PRRC1: variants seen among roughly 807,000 people sequenced by gnomAD.
PRRC1 encodes proline rich coiled-coil 1, also known as protein PRRC1.
Under a neutral mutation model 40.7 loss-of-function variants are expected in PRRC1, and 39 were observed. The observed-to-expected ratio is 0.96, with a 90% CI of 0.74 to 1.25. PRRC1 has a LOEUF of 1.25. Ranked by LOEUF, PRRC1 falls within the 50% of genes most tolerant of loss-of-function variation. PRRC1 has a pLI of 0.00. For synonymous variants in PRRC1, 175 were observed against 193.3 expected (o/e 0.91, Z 0.79); for missense variants, 573 against 548.3 (o/e 1.05, Z -0.45).
At chr5:127,549,470 G>T (rs1768314511) in intron 8 of PRRC1, 1 of 152,078 alleles carries the variant, frequency 6.6e-6, no homozygotes, top group Admixed American at 6.5e-5. Flanking sequence ...ATGAACATCT[G>T]CATTGAAAGG....
intron 6 of PRRC1, among the ~76,000 whole-genome samples, chr5:127,537,251 T>C (rs1052358376): frequency 2.6e-5 from 4 of 151,860 alleles, no homozygotes; most frequent in African/African-American, 9.7e-5. Context: ...TAGAGTACAA[T>C]ATTGTTCTTC....
In PRRC1 at chr5:127,541,201, G is replaced by A. The variant is rs539261927; in HGVS notation, c.1025+2058G>A. ...TATTGATTTTGTGTATATTGAACCAGCCTTTCTTCCCAGGGATGAAGCCCA... is the reference window on the plus strand; with the variant it reads ...TATTGATTTTGTGTATATTGAACCAACCTTTCTTCCCAGGGATGAAGCCCA... On this transcript the variant is annotated intron_variant, in intron 7 of 8. Transcript: ENST00000296666. Among the ~76,000 whole-genome samples the A allele has an allele frequency of 3.9e-5, 6 of 152,300 alleles. No homozygotes were observed. The East Asian group carries it at 9.6e-4, about 24-fold the overall frequency.
intron 3 of PRRC1, among the ~76,000 whole-genome samples, chr5:127,525,135 G>A (rs1229399159): frequency 1.3e-5 from 2 of 152,062 alleles, no homozygotes; most frequent in Admixed American, 6.5e-5. Flanking sequence ...ATACCTTTTA[G>A]CAGTCAGCCC....
chr5:127,553,417 C>A lies in PRRC1; in HGVS notation c.*1501C>A. On this transcript the variant is annotated 3_prime_UTR_variant, in exon 9 of 9. Coordinates refer to ENST00000296666, the MANE Select transcript of PRRC1 (RefSeq NM_130809.5). ...CCGTGTCATTAAAAGTCATGAGAGA[C>A]AGCACAGAGAGGTTATAGGTTGCCT... 9.6e-7 allele frequency: 1 copy of A among 1,042,914 alleles called. No individual in the cohort carries two copies. Among genetic ancestry groups the A allele is most frequent in the African/African-American group, 1.7e-5 (1 of 57,802 alleles). 64.6% of individuals were successfully genotyped at this position (1,042,914 alleles called of 1,614,324 possible).
intron 7 of PRRC1, among the ~76,000 whole-genome samples, chr5:127,541,402 G>A (rs564431339): frequency 6.6e-6 from 1 of 152,234 alleles, no homozygotes; most frequent in South Asian, 2.1e-4. Context: ...ATGAGTTAGG[G>A]AGGATTCCCT....
rs2127125085 is a variant in PRRC1, at chr5:127,554,752, C to CT, written c.*2837dup. On this transcript the variant is annotated 3_prime_UTR_variant, in exon 9 of 9. Coordinates refer to ENST00000296666, the MANE Select transcript of PRRC1 (RefSeq NM_130809.5). ...AAAGGTAGTGTGATAGTATAAGTATCTAAGTGCAGATGAAAGTGTGTTATA... is the reference window on the plus strand; with the variant it reads ...AAAGGTAGTGTGATAGTATAAGTATCTTAAGTGCAGATGAAAGTGTGTTATA... The CT allele has an allele frequency of 6.8e-6, 1 of 146,492 alleles. No homozygotes were observed. The highest frequency in any genetic ancestry group is 2.1e-4 in the South Asian group (1 of 4,820). 9.1% of individuals were successfully genotyped at this position (146,492 alleles called of 1,614,324 possible). A position where few individuals can be genotyped will look rare whatever the true frequency, so the allele number is the denominator to read the frequency against.
intron 1 of PRRC1, among the ~76,000 whole-genome samples, chr5:127,522,537 C>T (rs193286699): frequency 6.6e-6 from 1 of 152,158 alleles, no homozygotes; most frequent in East Asian, 1.9e-4. Context: ...ACCATAGGCA[C>T]ATGTCACCCT....
chr5:127,530,814 ATAT>A (rs1767749881), intron 5 of PRRC1, among the ~76,000 whole-genome samples: 1 of 151,616 alleles, frequency 6.6e-6, no homozygotes, highest in African/African-American at 2.4e-5. Flanking sequence ...TTGAGGGATA[ATAT>A]TTTTGGAGGA....
chr5:127,532,963 C>T (rs996438383), intron 5 of PRRC1, among the ~76,000 whole-genome samples: 2 of 151,992 alleles, frequency 1.3e-5, no homozygotes, highest in African/African-American at 4.8e-5. Flanking sequence ...TCAAATTGAT[C>T]TGTCTAGAAA....
chr5:127,518,259 G>A (rs1767368232), intron 1 of PRRC1, among the ~76,000 whole-genome samples: 1 of 152,220 alleles, frequency 6.6e-6, no homozygotes, highest in Non-Finnish European at 1.5e-5. Context: ...GGCCCAGGAG[G>A]CTCGAGAGTC....
chr5:127,549,967 A>T (rs1768331305), intron 8 of PRRC1: 1 of 151,978 alleles, frequency 6.6e-6, no homozygotes, highest in African/African-American at 2.4e-5. Context: ...GACATGAAAG[A>T]ATGAAGTGGA....
At chr5:127,540,280 A>G (rs746803691) in intron 7 of PRRC1, among the ~76,000 whole-genome samples, 3 of 152,134 alleles carry the variant, frequency 2.0e-5, no homozygotes, top group Non-Finnish European at 4.4e-5. Context: ...ATTAGAAATT[A>G]CAATATGCCT....
rs1213037542 is a variant in PRRC1 at position 127,551,791 on chromosome 5, C to G, written c.1213C>G (p.Leu405Val). 2 of 1,613,964 alleles carry G rather than the reference C, an allele frequency of 1.2e-6. No homozygotes were observed. Among genetic ancestry groups the G allele is most frequent in the Admixed American group, 1.7e-5 (1 of 59,982 alleles). Residue 405 changes from leucine to valine, a missense_variant, in exon 9 of 9, where the codon CTG (leucine) becomes GTG (valine). Physicochemically the swap from Leu to Val is conservative, Grantham distance 32. Coordinates refer to ENST00000296666, the MANE Select transcript of PRRC1 (RefSeq NM_130809.5). ...GGGTGAAGTCCTGGAAAAGAGTTTA[C>G]TGAATGTCAGCCGGACTGATTGGCA... Reference protein sequence around the residue: ...TVGEVLEKSLLNVSRTDWHMA... With the variant: ...TVGEVLEKSLVNVSRTDWHMA...
At chr5:127,523,828 A>G (rs1580928800) in intron 2 of PRRC1, 2 of 345,490 alleles carry the variant, frequency 5.8e-6, no homozygotes, top group Non-Finnish European at 1.0e-5. Context: ...ACCATCATTT[A>G]TATTATGGCA....
chr5:127,530,926 A>G (rs1767751601), intron 5 of PRRC1, among the ~76,000 whole-genome samples: 4 of 152,222 alleles, frequency 2.6e-5, no homozygotes, highest in South Asian at 2.1e-4. Flanking sequence ...CAGACAGTTG[A>G]TAGATACTGT....
intron 8 of PRRC1, 108 bp downstream of exon 8, chr5:127,548,029 G>C (rs1309253023): frequency 2.5e-6 from 2 of 793,882 alleles, no homozygotes; most frequent in Middle Eastern, 4.6e-4. Flanking sequence ...TCTTGATTTT[G>C]TTTCAGTCAT....
Position 127,552,465 on chromosome 5 carries a change from T to A in PRRC1, c.*549T>A, listed in dbSNP as rs1014712675. 350 of 986,854 alleles carry A rather than the reference T, an allele frequency of 3.5e-4. No individual in the cohort carries two copies. Among genetic ancestry groups the A allele is most frequent in the Middle Eastern group, 5.2e-4 (1 of 1,936 alleles). 61.1% of individuals were successfully genotyped at this position (986,854 alleles called of 1,614,324 possible). On this transcript the variant is annotated 3_prime_UTR_variant, in exon 9 of 9. Coordinates refer to ENST00000296666, the MANE Select transcript of PRRC1 (RefSeq NM_130809.5). ...ATTTCTGTGCATGTTTTCAGTAATA[T>A]GGGCCAAAATAATGGAATTGATTAT...
chr5:127,519,900 C>T (rs911779745), intron 1 of PRRC1, among the ~76,000 whole-genome samples: 4 of 152,184 alleles, frequency 2.6e-5, no homozygotes, highest in Admixed American at 6.5e-5. Flanking sequence ...AACACATTGG[C>T]CTTCTGCAGT....
chr5:127,538,991 A>T, intron 6 of PRRC1, 49 bp from the exon 7 acceptor site: 1 of 1,293,926 alleles, frequency 7.7e-7, no homozygotes, highest in Non-Finnish European at 1.1e-6. Context: ...TAGTATATTT[A>T]ATATGTAATA....
Sources: gnomAD v4.1 joint callset for allele counts (sites outside exome capture counted in the v4.1 genomes callset) on GRCh38, gnomAD v4.1.1 for gene constraint, MANE v1.5 for transcripts, NCBI Gene and HGNC (gene_info 2026-07-23, HGNC 2026-07-21) for gene names.